The following BAHCC1 variants were observed in gnomAD, a reference collection of about 807,000 sequenced individuals.
BAHCC1 encodes the protein BAH domain and coiled-coil containing 1.
In BAHCC1, 43 loss-of-function variants were observed where a neutral mutation model predicts 88.2. The ratio of observed to expected loss-of-function variants is 0.49; its 90% CI spans 0.38 to 0.63. The LOEUF (loss-of-function observed/expected upper bound fraction) is 0.63, where lower values mean the gene tolerates loss of function less well. BAHCC1 is among the 20% of genes least tolerant of loss of function. The pLI, the probability that BAHCC1 is intolerant of heterozygous loss-of-function variation, is 0.00. For synonymous variants in BAHCC1, 1,510 were observed against 745.5 expected (o/e 2.03, Z -16.71); for missense variants, 3,023 against 1,654.8 (o/e 1.83, Z -14.34).
At chr17:81,432,268 C>T (rs1252655142) in intron 3 of BAHCC1, among the ~76,000 whole-genome samples, 3 of 152,122 alleles carry the variant, frequency 2.0e-5, no homozygotes, top group Admixed American at 6.5e-5. Context: ...CCGGCAGGTG[C>T]ACCGTCTCCT....
chr17:81,458,540 G>GCACTCCCCCT, intron 18 of BAHCC1, 74 bp downstream of exon 18: 1 of 652,344 alleles, frequency 1.5e-6, no homozygotes, highest in Admixed American at 2.2e-5. Flanking sequence ...GCCCTCCCCC[G>GCACTCCCCCT]CACGCTGGCC....
At chr17:81,400,164 T>A (rs2063796286) in intron 2 of BAHCC1, among the ~76,000 whole-genome samples, 1 of 151,840 alleles carries the variant, frequency 6.6e-6, no homozygotes, top group South Asian at 2.1e-4. Flanking sequence ...CGGAGCCGGC[T>A]GAAATTAAAG....
Position 81,458,433 on chromosome 17 carries a change from G to A in BAHCC1, c.5310G>A (p.Thr1770=), listed in dbSNP as rs782080183. The A allele has an allele frequency of 1.1e-5, 8 of 738,536 alleles. No homozygotes were observed. The highest frequency in any genetic ancestry group is 2.9e-5 in the South Asian group (2 of 69,430). 45.7% of individuals were successfully genotyped at this position (738,536 alleles called of 1,614,324 possible). The stretch of plus-strand genomic sequence containing the variant: ...CCAGTGAGCGCCTCAAGAGGGCCAC[G>A]CGCAAGGGCACAGTGCTGCAGCCAG... ...QLASERLKRA[T]RKGTVLQPVL... Residue 1770 remains threonine, a synonymous_variant, in exon 18 of 28, where the codon ACG becomes ACA. Transcript: ENST00000675386.
In BAHCC1 at chr17:81,443,551, C is replaced by G. The variant is rs1458421785; in HGVS notation, c.2202C>G (p.Ala734=). Residue 734 remains alanine (A), a synonymous_variant, in exon 5 of 28, where the codon GCC becomes GCG. Coordinates refer to ENST00000675386, the MANE Select transcript of BAHCC1 (RefSeq NM_001377448.1). ...ACACTGCGCGGCAGGGCCGGGCCGCCCCCGCCTTCAAAGGTACAGGCCCTG... is the reference window on the plus strand; with the variant it reads ...ACACTGCGCGGCAGGGCCGGGCCGCGCCCGCCTTCAAAGGTACAGGCCCTG... ...GTNTARQGRA[A]PAFKGGGGPR... is the part of the protein sequence containing the mutation. 1 of 643,710 alleles carries G rather than the reference C, an allele frequency of 1.6e-6. No homozygotes were observed. Among genetic ancestry groups the G allele is most frequent in the Non-Finnish European group, 2.8e-6 (1 of 353,286 alleles). The allele number at this position is 643,710 out of a possible 1,614,324, so 39.9% of individuals were successfully genotyped here.
Position 81,435,357 on chromosome 17 carries a change from G to C in BAHCC1, c.359-3013G>C. ...CACAGGACTGAGTTTGGAGTCTCCT[G>C]CCCACCGCAGTAGCAGGGGCAGGAT... On this transcript the variant is annotated intron_variant, in intron 3 of 27. Transcript: ENST00000675386. The surrounding 1 kb of genome is among the most constrained non-coding windows in gnomAD (Gnocchi z 4.4). 6 of 451,726 alleles carry C rather than the reference G, an allele frequency of 1.3e-5. No individual in the cohort carries two copies. Among genetic ancestry groups the C allele is most frequent in the South Asian group, 7.9e-5 (5 of 63,682 alleles). The allele number at this position is 451,726 out of a possible 1,614,324, so 28.0% of individuals were successfully genotyped here.
At chr17:81,430,795 T>G in intron 3 of BAHCC1, among the ~76,000 whole-genome samples, 1 of 152,166 alleles carries the variant, frequency 6.6e-6, no homozygotes, top group Non-Finnish European at 1.5e-5. Flanking sequence ...CCTCGGTGGC[T>G]AAAACAGCTT....
At chr17:81,425,900 G>A (rs544011264) in intron 2 of BAHCC1, among the ~76,000 whole-genome samples, 1 of 139,374 alleles carries the variant, frequency 7.2e-6, no homozygotes, top group African/African-American at 2.7e-5. Flanking sequence ...TGGTTGGTGG[G>A]TGATGTCATT....
rs533518280 is a variant in BAHCC1, at chr17:81,424,884, TGTG to T, written c.179-1913_179-1911del. ...TGGTGGTGATGATGATGGTAGGTGATGTGGTAGTAATGTGGTTGGTGGTGATGT... is the reference window on the plus strand; with the variant it reads ...TGGTGGTGATGATGATGGTAGGTGATGTAGTAATGTGGTTGGTGGTGATGT... On this transcript the variant is annotated intron_variant, in intron 2 of 27. Coordinates refer to ENST00000675386, the MANE Select transcript of BAHCC1 (RefSeq NM_001377448.1). Among the ~76,000 whole-genome samples, 45 of 146,418 alleles carry T rather than the reference TGTG, an allele frequency of 3.1e-4. 1 individual carries two copies. The East Asian group carries it at 8.5e-3, about 28-fold the overall frequency.
Position 81,395,465 on chromosome 17 carries a change from C to T in BAHCC1, c.-377C>T, listed in dbSNP as rs1413191395. 3.9e-5 allele frequency: 6 copies of T among 152,264 alleles called. No individual in the cohort carries two copies. Among genetic ancestry groups the T allele is most frequent in the Non-Finnish European group, 8.8e-5 (6 of 68,046 alleles). The allele number at this position is 152,264 out of a possible 1,614,324, so 9.4% of individuals were successfully genotyped here. ...AGGGCCCGTGGCTCGCCGCGCCAGG[C>T]TGCAGGTTTGAGAGCCGCTCTGGAT... is the stretch of plus-strand genomic sequence containing the variant. On this transcript the variant is annotated 5_prime_UTR_variant, in exon 1 of 28. Coordinates refer to ENST00000675386, the MANE Select transcript of BAHCC1 (RefSeq NM_001377448.1).
chr17:81,428,483 G>A (rs1278956951), intron 3 of BAHCC1, among the ~76,000 whole-genome samples: 1 of 152,194 alleles, frequency 6.6e-6, no homozygotes, highest in East Asian at 1.9e-4. Flanking sequence ...CCACTGACTT[G>A]GTTTCCCCTC....
intron 3 of BAHCC1, among the ~76,000 whole-genome samples, chr17:81,432,291 G>A (rs1210806542): frequency 2.6e-5 from 4 of 152,136 alleles, no homozygotes; most frequent in Non-Finnish European, 5.9e-5. Flanking sequence ...GTGCCTGTGT[G>A]TGGGGCTGGC....
chr17:81,399,124 T>TGTGA lies in BAHCC1; in HGVS notation c.-206-406_-206-403dup, dbSNP rs1214832912. 2 of 171,230 alleles carry TGTGA rather than the reference T, an allele frequency of 1.2e-5. No homozygotes were observed. The highest frequency in any genetic ancestry group is 7.2e-5 in the Admixed American group (1 of 13,912). 10.6% of individuals were successfully genotyped at this position (171,230 alleles called of 1,614,324 possible). A position where few individuals can be genotyped will look rare whatever the true frequency, so the allele number is the denominator to read the frequency against. On this transcript the variant is annotated intron_variant, in intron 1 of 27. Coordinates refer to ENST00000675386, the MANE Select transcript of BAHCC1 (RefSeq NM_001377448.1). This position sits in a 1 kb window ranked among gnomAD's most constrained non-coding sequence, Gnocchi z 4.5. ...AGCGGGGGAGGGGAGAGGGTGTGCG[T>TGTGA]GTGAGTGTGTGTGTGTGTGTGTGTG...
intron 2 of BAHCC1, among the ~76,000 whole-genome samples, chr17:81,426,019 GGTGAT>G (rs1394412872): frequency 6.6e-6 from 1 of 150,904 alleles, no homozygotes; most frequent in Non-Finnish European, 1.5e-5. Flanking sequence ...GGTGATGGTG[GGTGAT>G]GTGGTTGGTG....
chr17:81,446,827 AC>A (rs2064537093), intron 10 of BAHCC1: 1 of 682,920 alleles, frequency 1.5e-6, no homozygotes, highest in Non-Finnish European at 2.7e-6. Flanking sequence ...TTTTGGGATT[AC>A]AGGTGTGAGC....
At chr17:81,441,668 C>CAAA (rs11333301) in intron 4 of BAHCC1, among the ~76,000 whole-genome samples, 163 bp from the exon 5 acceptor site, 79 of 91,300 alleles carry the variant, frequency 8.7e-4, no homozygotes, top group East Asian at 1.7e-3. Flanking sequence ...GACTCCGTCT[C>CAAA]AAAAAAAAAA....
chr17:81,455,294 G>T lies in BAHCC1; in HGVS notation c.4473G>T (p.Leu1491=). Reference sequence around the variant, plus strand: ...CGGTGCGGACAAGCCTGGGTCTGCTGTGTGCGGAGCTGCGAGGAGGCAGTG... The same window carrying T: ...CGGTGCGGACAAGCCTGGGTCTGCTTTGTGCGGAGCTGCGAGGAGGCAGTG... ...VKAVRTSLGL[L]CAELRGGSGG... Residue 1491 remains leucine (L), a synonymous_variant, in exon 15 of 28, where the codon CTG becomes CTT. Coordinates refer to ENST00000675386, the MANE Select transcript of BAHCC1 (RefSeq NM_001377448.1). 2.8e-6 allele frequency: 2 copies of T among 717,178 alleles called. No individual in the cohort carries two copies. Among genetic ancestry groups the T allele is most frequent in the Non-Finnish European group, 2.6e-6 (1 of 385,356 alleles). The allele number at this position is 717,178 out of a possible 1,614,324, so 44.4% of individuals were successfully genotyped here. A position where few individuals can be genotyped will look rare whatever the true frequency, so the allele number is the denominator to read the frequency against.
At position 81,399,571 on chromosome 17, in the gene BAHCC1, G is replaced by A; in HGVS notation, c.-169G>A. Reference sequence around the variant, plus strand: ...CACAGCGGCCGCTGGCTCGGTGCGCGGCCGCCCGCCGAGAAGCCCAGTCCT... The same window carrying A: ...CACAGCGGCCGCTGGCTCGGTGCGCAGCCGCCCGCCGAGAAGCCCAGTCCT... On this transcript the variant is annotated 5_prime_UTR_variant, in exon 2 of 28. Transcript: ENST00000675386. The surrounding 1 kb of genome is among the most constrained non-coding windows in gnomAD (Gnocchi z 4.5). The A allele has an allele frequency of 2.4e-6, 1 of 408,506 alleles. No individual in the cohort carries two copies. The allele number at this position is 408,506 out of a possible 1,614,324, so 25.3% of individuals were successfully genotyped here. A position where few individuals can be genotyped will look rare whatever the true frequency, so the allele number is the denominator to read the frequency against.
At chr17:81,457,181 G>T (rs1322395261) in intron 16 of BAHCC1, among the ~76,000 whole-genome samples, 1 of 152,074 alleles carries the variant, frequency 6.6e-6, no homozygotes, top group Non-Finnish European at 1.5e-5. Flanking sequence ...ATTGCCCAGG[G>T]TATAAGAAAA....
rs782346731 is a variant in BAHCC1 at position 81,463,772 on chromosome 17, C to T, written c.7782C>T (p.Thr2594=). Residue 2594 remains threonine (T), a synonymous_variant, in exon 28 of 28, where the codon ACC becomes ACT. Transcript: ENST00000675386. ...LYYLAGTYDP[T]TGRLVTADGV... ...ACCTGGCGGGCACCTACGACCCCACCACCGGGCGCCTGGTGACGGCTGATG... is the reference window on the plus strand; with the variant it reads ...ACCTGGCGGGCACCTACGACCCCACTACCGGGCGCCTGGTGACGGCTGATG... 6.5e-6 allele frequency: 5 copies of T among 767,238 alleles called. No individual in the cohort carries two copies. The highest frequency in any genetic ancestry group is 5.1e-5 in the African/African-American group (3 of 58,814). 47.5% of individuals were successfully genotyped at this position (767,238 alleles called of 1,614,324 possible).
Sources: allele counts gnomAD v4.1 joint callset (sites outside exome capture counted in the v4.1 genomes callset), GRCh38; gene constraint gnomAD v4.1.1; non-coding constraint Gnocchi (gnomAD v3.1); transcripts MANE v1.5; gene names NCBI Gene and HGNC (gene_info 2026-07-23, HGNC 2026-07-21).